Variants in MAST3 observed in about 807,000 individuals in gnomAD.
The protein encoded by MAST3 is microtubule-associated serine/threonine-protein kinase 3.
In MAST3, 43 loss-of-function variants were observed where a neutral mutation model predicts 127.0. The observed-to-expected ratio is 0.34, with a 90% CI of 0.27 to 0.44. The LOEUF (loss-of-function observed/expected upper bound fraction) is 0.44, where lower values mean the gene tolerates loss of function less well. Among genes scored for constraint, MAST3 ranks in the 20% least tolerant of loss-of-function variants. MAST3 has a pLI of 1.00. For missense variants in MAST3, 1,390 were observed against 1,919.1 expected (o/e 0.72, Z 5.15); for synonymous variants, 785 against 809.2 (o/e 0.97, Z 0.51).
chr19:18,099,420 G>A (rs918633714), intron 1 of MAST3, among the ~76,000 whole-genome samples: 12 of 151,862 alleles, frequency 7.9e-5, no homozygotes, highest in African/African-American at 2.9e-4. Flanking sequence ...CAACCCGCCC[G>A]CAGCCTCTTA....
chr19:18,143,984 T>C lies in MAST3; in HGVS notation c.2561T>C (p.Met854Thr), dbSNP rs1288071235. The stretch of plus-strand genomic sequence containing the variant: ...CCCCCACCAGCGGCCACCCCAGTGA[T>C]GCCCAAGCCCTCGAGCCTTTCTGGT... ...PDPPPAATPV[M>T]PKPSSLSADT... Residue 854 changes from methionine to threonine, a missense_variant, in exon 22 of 28, where the codon ATG (methionine) becomes ACG (threonine). Physicochemically the swap from Met to Thr is moderately conservative, Grantham distance 81. This residue lies in a region of MAST3 where 816 missense variants were observed against 934.1 expected (regional missense o/e 0.87). Transcript: ENST00000687212. The C allele has an allele frequency of 2.5e-6, 4 of 1,581,172 alleles. No individual in the cohort carries two copies. Among genetic ancestry groups the C allele is most frequent in the Non-Finnish European group, 3.4e-6 (4 of 1,163,598 alleles).
intron 1 of MAST3, among the ~76,000 whole-genome samples, chr19:18,099,839 C>T (rs1275920706): frequency 6.6e-6 from 1 of 152,182 alleles, no homozygotes; most frequent in Admixed American, 6.5e-5. Context: ...AGGCTGATGG[C>T]CAGGACTTAA....
chr19:18,138,567 G>A (rs1454729315), intron 19 of MAST3, among the ~76,000 whole-genome samples: 3 of 151,866 alleles, frequency 2.0e-5, no homozygotes, highest in African/African-American at 4.8e-5. Context: ...GTGCGATTTC[G>A]ACTCACCACA....
At chr19:18,143,662 C>A in intron 21 of MAST3, 101 bp from the exon 22 acceptor site, 1 of 1,471,914 alleles carries the variant, frequency 6.8e-7, no homozygotes, top group Non-Finnish European at 9.2e-7. Context: ...GCAAATTACC[C>A]TTGACTGCAG....
At chr19:18,126,601 G>A (rs921437927) in intron 11 of MAST3, among the ~76,000 whole-genome samples, 5 of 152,046 alleles carry the variant, frequency 3.3e-5, no homozygotes, top group East Asian at 1.9e-4. Context: ...CTGAGATCTC[G>A]TCTCTATTAA....
chr19:18,147,665 G>GT, intron 27 of MAST3, 41 bp downstream of exon 27: 1 of 1,403,782 alleles, frequency 7.1e-7, no homozygotes, highest in Non-Finnish European at 9.6e-7. Context: ...GCTACCCTGG[G>GT]AGCAAGGGCT....
rs571872780 is a variant in MAST3, at chr19:18,146,726, G to A, written c.3163-155G>A. Among the ~76,000 whole-genome samples, 9 of 152,244 alleles carry A rather than the reference G, an allele frequency of 5.9e-5. No individual in the cohort carries two copies. The East Asian group carries it at 7.7e-4, about 13-fold the overall frequency. ...GTGCTCCCTGGGCTATTGTTTGACC[G>A]GATATATTGGGTAGGTCACTGGTTG... On this transcript the variant is annotated intron_variant, in intron 25 of 27. Coordinates refer to ENST00000687212, the MANE Select transcript of MAST3 (RefSeq NM_001393504.1).
Position 18,109,951 on chromosome 19 carries a change from C to A in MAST3, c.72-701C>A, listed in dbSNP as rs567890248. On this transcript the variant is annotated intron_variant, in intron 2 of 27. Transcript: ENST00000687212. The stretch of plus-strand genomic sequence containing the variant: ...GGAGAGGCGGGGTCAGGCCATGGAG[C>A]AATCGCGCGGACCGCGGAGCCAGTG... 99 of 985,294 alleles carry A rather than the reference C, an allele frequency of 1.0e-4. No homozygotes were observed. The African/African-American group carries it at 1.6e-3, about 16-fold the overall frequency. The allele number at this position is 985,294 out of a possible 1,614,324, so 61.0% of individuals were successfully genotyped here. A position where few individuals can be genotyped will look rare whatever the true frequency, so the allele number is the denominator to read the frequency against.
intron 1 of MAST3, among the ~76,000 whole-genome samples, chr19:18,105,448 C>T (rs370098995): frequency 5.3e-5 from 8 of 151,396 alleles, no homozygotes; most frequent in Admixed American, 6.6e-5. Flanking sequence ...TTTGTAATCC[C>T]GGCATTTTGG....
At chr19:18,143,704 C>G in intron 21 of MAST3, 59 bp from the exon 22 acceptor site, 4 of 1,600,360 alleles carry the variant, frequency 2.5e-6, no homozygotes, top group Non-Finnish European at 2.6e-6. Flanking sequence ...ATGAAGGTGG[C>G]TGAGTATCCT....
rs760791799 is a variant in MAST3, at chr19:18,149,761, C to G, written c.*35C>G. ...AGGTCTCTCCCTGGCATCAAAGTTA[C>G]GCGTTTTCTTGTGCAATGTTTTTTC... On this transcript the variant is annotated 3_prime_UTR_variant, in exon 28 of 28. Coordinates refer to ENST00000687212, the MANE Select transcript of MAST3 (RefSeq NM_001393504.1). This position sits in a 1 kb window ranked among gnomAD's most constrained non-coding sequence, Gnocchi z 5.9. 4 of 1,606,274 alleles carry G rather than the reference C, an allele frequency of 2.5e-6. No homozygotes were observed. The African/African-American group carries it at 5.4e-5, about 22-fold the overall frequency.
intron 15 of MAST3, 101 bp downstream of exon 15, chr19:18,132,148 C>G: frequency 6.7e-7 from 1 of 1,493,482 alleles, no homozygotes; most frequent in Non-Finnish European, 9.0e-7. Flanking sequence ...GAGGTGCATC[C>G]CGGGACCCTT....
chr19:18,116,090 CTTTTTTT>C (rs3048876), intron 3 of MAST3, among the ~76,000 whole-genome samples: 1 of 86,350 alleles, frequency 1.2e-5, no homozygotes, highest in South Asian at 3.9e-4. Flanking sequence ...TTGAAATTAT[CTTTTTTT>C]TTTTTTTTTT....
chr19:18,139,820 T>C (rs1322519322), intron 20 of MAST3, among the ~76,000 whole-genome samples: 1 of 149,972 alleles, frequency 6.7e-6, no homozygotes, highest in South Asian at 2.1e-4. Flanking sequence ...CATTTTTTTT[T>C]TTTCTTTTTT....
chr19:18,131,652 T>C (rs12979238), intron 14 of MAST3, among the ~76,000 whole-genome samples: 6 of 90,314 alleles, frequency 6.6e-5, no homozygotes, highest in Non-Finnish European at 1.1e-4. Flanking sequence ...TGAGCCGAGA[T>C]CGCGCCACTG....
chr19:18,129,039 C>A, intron 13 of MAST3, 88 bp downstream of exon 13: 1 of 1,116,080 alleles, frequency 9.0e-7, no homozygotes, highest in South Asian at 1.3e-5. Flanking sequence ...CCCCTCCTAC[C>A]CCAGCAGGGC....
intron 20 of MAST3, among the ~76,000 whole-genome samples, chr19:18,141,641 G>A (rs1287404947): frequency 6.6e-6 from 1 of 151,874 alleles, no homozygotes; most frequent in Admixed American, 6.6e-5. Context: ...CCAGAGTGGT[G>A]GGATTACAGG....
rs762990494 is a variant in MAST3 at position 18,151,344 on chromosome 19, C to T, written c.*1618C>T. 6.6e-6 allele frequency: 1 copy of T among 152,178 alleles called. No individual in the cohort carries two copies. Among genetic ancestry groups the T allele is most frequent in the Non-Finnish European group, 1.5e-5 (1 of 68,044 alleles). The allele number at this position is 152,178 out of a possible 1,614,324, so 9.4% of individuals were successfully genotyped here. ...ATTTTACAGACAAAGCAGCTGAGACCCCAGCGAGGGGCGGAGACCTGTCCC... is the reference window on the plus strand; with the variant it reads ...ATTTTACAGACAAAGCAGCTGAGACTCCAGCGAGGGGCGGAGACCTGTCCC... On this transcript the variant is annotated 3_prime_UTR_variant, in exon 28 of 28. Transcript: ENST00000687212.
chr19:18,108,833 G>T (rs1261050079), intron 2 of MAST3, among the ~76,000 whole-genome samples: 1 of 152,178 alleles, frequency 6.6e-6, no homozygotes. Flanking sequence ...AGCTGCTTTT[G>T]CCTGAGTTGG....
Sources: gnomAD v4.1 joint callset for allele counts (sites outside exome capture counted in the v4.1 genomes callset) on GRCh38, gnomAD v4.1.1 for gene constraint, gnomAD v4.1.1 regional missense constraint, Gnocchi (gnomAD v3.1) non-coding constraint, MANE v1.5 for transcripts, NCBI Gene and HGNC (gene_info 2026-07-23, HGNC 2026-07-21) for gene names.